Variants in GHSR observed in about 807,000 individuals in gnomAD.
GHSR encodes the protein growth hormone secretagogue receptor type 1.
In GHSR, 17 loss-of-function variants were observed where a neutral mutation model predicts 24.0. The ratio of observed to expected loss-of-function variants is 0.71; its 90% CI spans 0.49 to 1.06. GHSR has a LOEUF of 1.06. GHSR is among the 50% of genes least tolerant of loss of function. The probability of loss-of-function intolerance (pLI) is 0.00; values close to 1 mark genes in which losing one functional copy is unlikely to be tolerated. For synonymous variants in GHSR, 238 were observed against 208.1 expected (o/e 1.14, Z -1.24); for missense variants, 504 against 483.1 (o/e 1.04, Z -0.41).
In GHSR at chr3:172,447,808, C is replaced by T; in HGVS notation, c.606G>A (p.Glu202=). The T allele has an allele frequency of 1.2e-6, 2 of 1,614,052 alleles. No homozygotes were observed. The highest frequency in any genetic ancestry group is 2.2e-5 in the East Asian group (1 of 44,870). ...PWDTNECRPT[E]FAVRSGLLTV... ...TGAGCAGTCCAGAGCGCACCGCAAA[C>T]TCGGTGGGGCGGCACTCGTTGGTGT... The change falls in exon 1 of 2, where the codon GAG becomes GAA. Residue 202 remains glutamate, a synonymous_variant. Coordinates refer to ENST00000241256, the MANE Select transcript of GHSR (RefSeq NM_198407.2).
At chr3:172,445,613 A>G in intron 1 of GHSR, 148 bp from the exon 2 acceptor site, 1 of 851,590 alleles carries the variant, frequency 1.2e-6, no homozygotes. Flanking sequence ...CCAACATTTT[A>G]ACAAAGATTC....
chr3:172,445,378 A>C lies in GHSR; in HGVS notation c.884T>G (p.Leu295Trp). ...LFSKSFEPGSLEIAQISQYCN... is the reference protein window; with the variant it reads ...LFSKSFEPGSWEIAQISQYCN... ...GTACTGGCTGATCTGAGCAATCTCC[A>C]AGGAGCCAGGCTCAAAGGATTTGGA... Residue 295 changes from leucine to tryptophan, a missense_variant, in exon 2 of 2, where the codon TTG becomes TGG. By Grantham distance (61) the Leu-to-Trp change is moderately conservative. Transcript: ENST00000241256. The C allele has an allele frequency of 6.2e-7, 1 of 1,614,038 alleles. No individual in the cohort carries two copies. The highest frequency in any genetic ancestry group is 2.2e-5 in the East Asian group (1 of 44,882).
In GHSR at chr3:172,445,460, C is replaced by T. The variant is rs200934100; in HGVS notation, c.802G>A (p.Val268Met). 1.9e-6 allele frequency: 3 copies of T among 1,611,684 alleles called. No individual in the cohort carries two copies. The highest frequency in any genetic ancestry group is 2.5e-6 in the Non-Finnish European group (3 of 1,179,438). The part of the protein sequence containing the change: ...HKQTVKMLAV[V>M]VFAFILCWLP... ...CAGCAGAGGATGAAGGCAAACACCA[C>T]TACAGCTAAAAGGACAATGGGAGAG... The change falls in exon 2 of 2, where the codon GTG becomes ATG. Residue 268 changes from valine (V) to methionine (M), a missense_variant. By Grantham distance (21) the Val-to-Met change is conservative. Coordinates refer to ENST00000241256, the MANE Select transcript of GHSR (RefSeq NM_198407.2).
rs1390538511 is a variant in GHSR at position 172,443,798 on chromosome 3, T to C, written c.*1363A>G. ...AGTCCAAGTAATCATATCTATCAGA[T>C]AAGCAATGGGATATAAGCAGCAAAA... On this transcript the variant is annotated 3_prime_UTR_variant, in exon 2 of 2. Coordinates refer to ENST00000241256, the MANE Select transcript of GHSR (RefSeq NM_198407.2). Among the ~76,000 whole-genome samples the C allele has an allele frequency of 6.6e-6, 1 of 152,146 alleles. No homozygotes were observed. The highest frequency in any genetic ancestry group is 1.5e-5 in the Non-Finnish European group (1 of 67,992).
chr3:172,444,321 T>C lies in GHSR; in HGVS notation c.*840A>G, dbSNP rs555579461. 3.8e-4 allele frequency among the ~76,000 whole-genome samples: 58 copies of C among 152,308 alleles called. No homozygotes were observed. Among genetic ancestry groups the C allele is most frequent in the Non-Finnish European group, 7.9e-4 (54 of 68,010 alleles). On this transcript the variant is annotated 3_prime_UTR_variant, in exon 2 of 2. Transcript: ENST00000241256. ...TTTTAAACATTTCATATAAGGTGAA[T>C]GATAAGTTTTGTATATACTCTAGAG...
chr3:172,447,546 A>G, intron 1 of GHSR, 72 bp downstream of exon 1: 1 of 1,588,052 alleles, frequency 6.3e-7, no homozygotes, highest in Non-Finnish European at 8.6e-7. Flanking sequence ...ATGGAGACTC[A>G]GAGAGAAGGG....
chr3:172,445,561 AC>A (rs1737440558), intron 1 of GHSR, 96 bp from the exon 2 acceptor site: 1 of 1,233,558 alleles, frequency 8.1e-7, no homozygotes, highest in Non-Finnish European at 1.2e-6. Context: ...ATGGTCTATG[AC>A]CATTGACTTC....
chr3:172,448,074 G>C lies in GHSR; in HGVS notation c.340C>G (p.Leu114Val), dbSNP rs1212124000. 1 of 1,614,218 alleles carries C rather than the reference G, an allele frequency of 6.2e-7. No individual in the cohort carries two copies. The highest frequency in any genetic ancestry group is 1.3e-5 in the African/African-American group (1 of 75,066). ...WQYRPWNFGD[L>V]LCKLFQFVSE... ...ACGAATTGGAAGAGTTTGCAGAGGA[G>C]GTCGCCGAAGTTCCAGGGCCGGTAC... The change falls in exon 1 of 2, where the codon CTC (leucine) becomes GTC (valine). Residue 114 changes from leucine to valine, a missense_variant. By Grantham distance (32) the Leu-to-Val change is conservative (BLOSUM62 1). Coordinates refer to ENST00000241256, the MANE Select transcript of GHSR (RefSeq NM_198407.2). The surrounding 1 kb of genome is among the most constrained non-coding windows in gnomAD (Gnocchi z 4.8).
In GHSR at chr3:172,447,717, T is replaced by G; in HGVS notation, c.697A>C (p.Ser233Arg). Residue 233 changes from serine to arginine, a missense_variant, in exon 1 of 2, where the codon AGT (serine) becomes CGT (arginine). By Grantham distance (110) the Ser-to-Arg change is moderately radical. Transcript: ENST00000241256. ...LPVFCLTVLY[S>R]LIGRKLWRRR... ...CGCCACAGCTTCCTGCCGATGAGAC[T>G]GTAGAGGACCGTGAGACAGAAGACA... 1 of 1,614,052 alleles carries G rather than the reference T, an allele frequency of 6.2e-7. No individual in the cohort carries two copies. Among genetic ancestry groups the G allele is most frequent in the South Asian group, 1.1e-5 (1 of 91,080 alleles).
chr3:172,445,749 A>C (rs1055629568), intron 1 of GHSR, among the ~76,000 whole-genome samples: 16 of 152,208 alleles, frequency 1.1e-4, no homozygotes, highest in Non-Finnish European at 2.2e-4. Context: ...ATTTATTCAC[A>C]ATAGTCCAGC....
chr3:172,447,558 G>A (rs534761464), intron 1 of GHSR, 60 bp downstream of exon 1: 6 of 1,597,908 alleles, frequency 3.8e-6, no homozygotes, highest in East Asian at 2.2e-5. Context: ...AGAGAAGGGA[G>A]AAGGCACAGG....
intron 1 of GHSR, among the ~76,000 whole-genome samples, chr3:172,445,733 T>C (rs1414727720): frequency 6.6e-6 from 1 of 152,208 alleles, no homozygotes; most frequent in Non-Finnish European, 1.5e-5. Flanking sequence ...CTCAACTGAC[T>C]AGACCATTTA....
intron 1 of GHSR, 165 bp downstream of exon 1, chr3:172,447,453 G>A (rs1254364734): frequency 3.5e-6 from 5 of 1,422,676 alleles, no homozygotes; most frequent in Admixed American, 5.4e-5. Flanking sequence ...GAAAGCAAGA[G>A]GAGAGAATAA....
At chr3:172,445,584 G>T in intron 1 of GHSR, 119 bp from the exon 2 acceptor site, 2 of 1,030,326 alleles carry the variant, frequency 1.9e-6, no homozygotes, top group Non-Finnish European at 3.0e-6. Context: ...GAGAAACATT[G>T]TGTCCTGCTC....
rs1737496254 is a variant in GHSR, at chr3:172,447,601, C to A, written c.796+17G>T. 6.2e-7 allele frequency: 1 copy of A among 1,613,074 alleles called. No homozygotes were observed. The highest frequency in any genetic ancestry group is 1.7e-5 in the Admixed American group (1 of 59,988). ...TAGGACCCGCGAGAGAAAGCCTGAG[C>A]GCGCGCTGAGACCCACCCAGCATTT... On this transcript the variant is annotated intron_variant, in intron 1 of 1. Transcript: ENST00000241256.
chr3:172,447,377 TA>T, intron 1 of GHSR: 1 of 357,222 alleles, frequency 2.8e-6, no homozygotes, highest in Non-Finnish European at 3.7e-6. Flanking sequence ...ACTGACAAAG[TA>T]AAGGGGGAGG....
chr3:172,445,659 G>A lies in GHSR; in HGVS notation c.797-194C>T, dbSNP rs509035. On this transcript the variant is annotated intron_variant, in intron 1 of 1. Coordinates refer to ENST00000241256, the MANE Select transcript of GHSR (RefSeq NM_198407.2). The stretch of plus-strand genomic sequence containing the variant: ...GACCAACAGTTCAACAATTTTTACT[G>A]AGCTCCCCAGTCATTTCTATTTAAC... Among the ~76,000 whole-genome samples, 37,954 of 152,096 alleles carry A rather than the reference G, an allele frequency of 0.25. 5,693 individuals are homozygous for A. Among genetic ancestry groups the A allele is most frequent in the East Asian group, 0.44 (2,279 of 5,176 alleles).
rs201162557 is a variant in GHSR at position 172,445,271 on chromosome 3, G to A, written c.991C>T (p.Arg331Trp). ...CCCAGAAGTCTGAACACTGCCACCC[G>A]GTACTTCTTGGACATGATGTTGTAC... ...ILYNIMSKKY[R>W]VAVFRLLGFE... is the part of the protein sequence containing the mutation. The change falls in exon 2 of 2, where the codon CGG becomes TGG. Residue 331 changes from arginine (R) to tryptophan (W), a missense_variant. By Grantham distance (101) the Arg-to-Trp change is moderately radical. Transcript: ENST00000241256. 3.7e-6 allele frequency: 6 copies of A among 1,613,998 alleles called. 1 individual carries two copies. The highest frequency in any genetic ancestry group is 2.2e-5 in the East Asian group (1 of 44,892).
Position 172,447,857 on chromosome 3 carries a change from T to C in GHSR, c.557A>G (p.His186Arg), listed in dbSNP as rs1249906168. The C allele has an allele frequency of 2.5e-6, 4 of 1,613,832 alleles. No homozygotes were observed. In the South Asian group the frequency reaches 4.4e-5, roughly 18 times the overall value. ...GPIFVLVGVEHENGTDPWDTN... is the reference protein window; with the variant it reads ...GPIFVLVGVERENGTDPWDTN... Reference sequence around the variant, plus strand: ...GTCCCAAGGGTCGGTGCCGTTCTCGTGCTCCACCCCGACTAGCACGAAGAT... The same window carrying C: ...GTCCCAAGGGTCGGTGCCGTTCTCGCGCTCCACCCCGACTAGCACGAAGAT... The change falls in exon 1 of 2, where the codon CAC (histidine) becomes CGC (arginine). Residue 186 changes from histidine to arginine, a missense_variant. Transcript: ENST00000241256.
Sources: allele counts gnomAD v4.1 joint callset (sites outside exome capture counted in the v4.1 genomes callset), GRCh38; gene constraint gnomAD v4.1.1; non-coding constraint Gnocchi (gnomAD v3.1); transcripts MANE v1.5; gene names NCBI Gene and HGNC (gene_info 2026-07-23, HGNC 2026-07-21).